ZNF875: variants seen among roughly 807,000 people sequenced by gnomAD.
ZNF875 encodes the protein HKR1, GLI-Kruppel zinc finger family member.
In ZNF875, 14 loss-of-function variants were observed where a neutral mutation model predicts 11.2. The observed-to-expected ratio is 1.26, with a 90% confidence interval of 0.83 to 1.96. The LOEUF (loss-of-function observed/expected upper bound fraction) is 1.96, where lower values mean the gene tolerates loss of function less well. ZNF875 is among the 30% of genes most tolerant of loss of function. ZNF875 has a pLI of 0.00. For synonymous variants in ZNF875, 301 were observed against 281.1 expected (o/e 1.07, Z -0.71); for missense variants, 752 against 760.4 (o/e 0.99, Z 0.13).
At chr19:37,325,098 AT>A (rs959053688) in intron 4 of ZNF875, 1 of 151,994 alleles carries the variant, frequency 6.6e-6, no homozygotes, top group African/African-American at 2.4e-5. Context: ...TTCTATTATG[AT>A]TTGTTCTGTG....
rs35805509 is a variant in ZNF875 at position 37,326,664 on chromosome 19, C to CTTT, written c.-603+2418_-603+2420dup. ...CAAATTCTAAAGTTAAATTAGAAAGCTTTTTTTTTTTTTTTTTTTTTGAGT... is the reference window on the plus strand; with the variant it reads ...CAAATTCTAAAGTTAAATTAGAAAGCTTTTTTTTTTTTTTTTTTTTTTTTGAGT... On this transcript the variant is annotated intron_variant, in intron 4 of 5. Transcript: ENST00000544914. 7.4e-3 allele frequency among the ~76,000 whole-genome samples: 655 copies of CTTT among 88,084 alleles called. 7 individuals carry two copies. Among genetic ancestry groups the CTTT allele is most frequent in the Non-Finnish European group, 8.8e-3 (423 of 48,082 alleles). The allele number at this position is 88,084 out of a possible 152,430, so 57.8% of individuals were successfully genotyped here. A position where few individuals can be genotyped will look rare whatever the true frequency, so the allele number is the denominator to read the frequency against.
chr19:37,360,085 TTTAG>T (rs2039656978), intron 4 of ZNF875, among the ~76,000 whole-genome samples: 1 of 152,192 alleles, frequency 6.6e-6, no homozygotes, highest in Admixed American at 6.5e-5. Flanking sequence ...TACAATCCAT[TTTAG>T]TTAATTTTTA....
chr19:37,348,541 A>G (rs1172302447), intron 4 of ZNF875, among the ~76,000 whole-genome samples: 1 of 152,164 alleles, frequency 6.6e-6, no homozygotes, highest in African/African-American at 2.4e-5. Context: ...TCATCATATT[A>G]TGTATGTATT....
At chr19:37,339,284 G>A (rs1013847287) in intron 2 of ZNF875, among the ~76,000 whole-genome samples, 1 of 151,962 alleles carries the variant, frequency 6.6e-6, no homozygotes, top group Non-Finnish European at 1.5e-5. Flanking sequence ...ATTTTTAAAG[G>A]TGTAGAAACA....
chr19:37,343,858 G>A (rs192762018), intron 2 of ZNF875, among the ~76,000 whole-genome samples: 32 of 152,244 alleles, frequency 2.1e-4, no homozygotes, highest in Non-Finnish European at 3.4e-4. Context: ...GCTTTTGGCC[G>A]CAAGCAACAG....
At chr19:37,356,568 T>C (rs2146535603) in intron 4 of ZNF875, among the ~76,000 whole-genome samples, 1 of 152,338 alleles carries the variant, frequency 6.6e-6, no homozygotes, top group African/African-American at 2.4e-5. Flanking sequence ...TTTGTATTTC[T>C]CTGATGATTA....
chr19:37,335,748 A>G (rs2034240867), intron 2 of ZNF875, among the ~76,000 whole-genome samples: 1 of 152,192 alleles, frequency 6.6e-6, no homozygotes, highest in African/African-American at 2.4e-5. Context: ...GATGGCTCTC[A>G]GCACATCTTT....
At position 37,362,536 on chromosome 19, in the gene ZNF875, T is replaced by C. The variant is rs1646488332; in HGVS notation, c.684T>C (p.Tyr228=). The C allele has an allele frequency of 6.2e-7, 1 of 1,614,182 alleles. No homozygotes were observed. Among genetic ancestry groups the C allele is most frequent in the Non-Finnish European group, 8.5e-7 (1 of 1,180,048 alleles). ...TCTCAGGATTTGGAGAAATCAAATA[T>C]GAAGAGTTTGGGCCAGGCTTTATCA... ...LEVSGFGEIK[Y]EEFGPGFIKE... The change falls in exon 5 of 5, where the codon TAT becomes TAC. Residue 228 remains tyrosine, a synonymous_variant. Coordinates refer to ENST00000392153, the MANE Select transcript of ZNF875 (RefSeq NM_001353803.2).
chr19:37,327,474 T>C (rs1025970531), intron 4 of ZNF875, among the ~76,000 whole-genome samples: 2 of 152,054 alleles, frequency 1.3e-5, no homozygotes, highest in Non-Finnish European at 2.9e-5. Flanking sequence ...TAATACGGAA[T>C]TTCATATTCA....
chr19:37,351,692 T>G (rs1001379117), intron 4 of ZNF875, among the ~76,000 whole-genome samples: 1 of 152,246 alleles, frequency 6.6e-6, no homozygotes, highest in East Asian at 1.9e-4. Context: ...AGAAGTGAGC[T>G]GCTTAATTTC....
chr19:37,352,329 C>T (rs1443553689), intron 4 of ZNF875, among the ~76,000 whole-genome samples: 5 of 152,094 alleles, frequency 3.3e-5, no homozygotes, highest in Non-Finnish European at 7.4e-5. Context: ...TCTTAAAGGC[C>T]TCCTGGCTTC....
At chr19:37,335,093 C>T in intron 1 of ZNF875, 76 bp from the exon 2 acceptor site, 1 of 641,096 alleles carries the variant, frequency 1.6e-6, no homozygotes. Flanking sequence ...CTGTGGGGCT[C>T]TGGAGCGGAC....
At chr19:37,329,372 A>G (rs1158383903) in intron 4 of ZNF875, among the ~76,000 whole-genome samples, 1 of 152,122 alleles carries the variant, frequency 6.6e-6, no homozygotes, top group Non-Finnish European at 1.5e-5. Context: ...GCTGCAGGCT[A>G]TGGATGGTAT....
rs532502526 is a variant in ZNF875 at position 37,363,579 on chromosome 19, T to C, written c.1727T>C (p.Ile576Thr). 1.1e-5 allele frequency: 18 copies of C among 1,612,750 alleles called. No homozygotes were observed. The South Asian group carries it at 2.0e-4, about 18-fold the overall frequency. ...GGCTTTTGTGCTAAGTTAACTCTCA[T>C]TAAACACCAGAGAGCACACGCAGGG... Reference protein sequence around the residue: ...GQGFCAKLTLIKHQRAHAGGK... With the variant: ...GQGFCAKLTLTKHQRAHAGGK... The change falls in exon 5 of 5, where the codon ATT becomes ACT. Residue 576 changes from isoleucine to threonine, a missense_variant. Coordinates refer to ENST00000392153, the MANE Select transcript of ZNF875 (RefSeq NM_001353803.2).
At chr19:37,352,786 T>C (rs2038146434) in intron 4 of ZNF875, among the ~76,000 whole-genome samples, 1 of 152,114 alleles carries the variant, frequency 6.6e-6, no homozygotes, top group Admixed American at 6.6e-5. Context: ...TTTTTCTTTG[T>C]TTTCTCCAAT....
chr19:37,351,261 A>G (rs2037848453), intron 4 of ZNF875, among the ~76,000 whole-genome samples: 1 of 152,270 alleles, frequency 6.6e-6, no homozygotes, highest in Non-Finnish European at 1.5e-5. Context: ...AATTTCTTTA[A>G]AAGTGTGTAT....
At chr19:37,331,189 A>G (rs921977185), upstream of ZNF875, among the ~76,000 whole-genome samples, 6 of 146,904 alleles carry the variant, frequency 4.1e-5, no homozygotes, top group East Asian at 8.0e-4. Context: ...TCTGTCTCAA[A>G]AAAAAAAAAA....
chr19:37,313,536 A>G (rs2030050984), upstream of ZNF875, among the ~76,000 whole-genome samples: 6 of 152,066 alleles, frequency 3.9e-5, no homozygotes, highest in Admixed American at 3.9e-4. Context: ...CACTGACCCT[A>G]CATACCTACA....
At chr19:37,353,153 C>T (rs1033941465) in intron 4 of ZNF875, among the ~76,000 whole-genome samples, 1 of 152,138 alleles carries the variant, frequency 6.6e-6, no homozygotes, top group Non-Finnish European at 1.5e-5. Flanking sequence ...AGATTACAGG[C>T]GTGAGCCACC....
Sources: allele counts gnomAD v4.1 joint callset (sites outside exome capture counted in the v4.1 genomes callset), GRCh38; gene constraint gnomAD v4.1.1; transcripts MANE v1.5; gene names NCBI Gene and HGNC (gene_info 2026-07-23, HGNC 2026-07-21).